Variants in TNFRSF11A observed in about 807,000 individuals in gnomAD.
TNFRSF11A encodes TNF receptor superfamily member 11a.
TNFRSF11A carries 32 observed loss-of-function variants against 55.7 expected under a neutral mutation model. The observed-to-expected ratio is 0.57, with a 90% CI of 0.43 to 0.77. The LOEUF is 0.77. TNFRSF11A is among the 30% of genes least tolerant of loss of function. The pLI is 0.00. For synonymous variants in TNFRSF11A, 311 were observed against 331.0 expected (o/e 0.94, Z 0.65); for missense variants, 753 against 809.8 (o/e 0.93, Z 0.85).
chr18:62,375,920 G>C (rs556090620), intron 9 of TNFRSF11A, among the ~76,000 whole-genome samples: 2 of 152,326 alleles, frequency 1.3e-5, no homozygotes, highest in East Asian at 3.9e-4. Flanking sequence ...GATCACCTGA[G>C]CCCAGAAGGT....
intron 1 of TNFRSF11A, among the ~76,000 whole-genome samples, chr18:62,345,265 A>G (rs1476629255): frequency 6.6e-6 from 1 of 152,062 alleles, no homozygotes; most frequent in African/African-American, 2.4e-5. Flanking sequence ...GGAAGAGGAA[A>G]AGGGGCAATA....
At chr18:62,376,219 T>G (rs971275735) in intron 9 of TNFRSF11A, among the ~76,000 whole-genome samples, 1 of 152,032 alleles carries the variant, frequency 6.6e-6, no homozygotes, top group African/African-American at 2.4e-5. Flanking sequence ...ATGTTACTAT[T>G]TTCACTATCA....
At chr18:62,348,757 G>A (rs758303240) in intron 2 of TNFRSF11A, among the ~76,000 whole-genome samples, 3 of 152,236 alleles carry the variant, frequency 2.0e-5, no homozygotes, top group Non-Finnish European at 2.9e-5. Context: ...CAGAAGTGTG[G>A]CTGACTATTT....
chr18:62,379,205 GTTAC>G (rs1334617515), intron 9 of TNFRSF11A, among the ~76,000 whole-genome samples: 1 of 152,170 alleles, frequency 6.6e-6, no homozygotes, highest in Non-Finnish European at 1.5e-5. Flanking sequence ...TGTTGCTTCT[GTTAC>G]TGTTATTATT....
intron 1 of TNFRSF11A, among the ~76,000 whole-genome samples, chr18:62,335,701 A>AT (rs919964600): frequency 2.6e-5 from 4 of 152,064 alleles, no homozygotes; most frequent in African/African-American, 9.7e-5. Flanking sequence ...GCTAATCTTG[A>AT]TTTTGCAACC....
chr18:62,364,025 A>T (rs1365118322), intron 7 of TNFRSF11A, among the ~76,000 whole-genome samples: 1 of 152,184 alleles, frequency 6.6e-6, no homozygotes, highest in African/African-American at 2.4e-5. Context: ...TGGAGGAAGC[A>T]TCTTAGTGGG....
chr18:62,384,617 A>C (rs1911550889), intron 9 of TNFRSF11A, 134 bp from the exon 10 acceptor site: 9 of 988,788 alleles, frequency 9.1e-6, no homozygotes, highest in Non-Finnish European at 1.4e-5. Flanking sequence ...GGAGGGTTAC[A>C]GTGTGGTTCC....
chr18:62,382,640 T>C (rs1431756371), intron 9 of TNFRSF11A, among the ~76,000 whole-genome samples: 2 of 151,982 alleles, frequency 1.3e-5, no homozygotes, highest in Admixed American at 1.3e-4. Flanking sequence ...CTGTGTGTTT[T>C]GTTTTGGTTT....
At chr18:62,347,568 C>T (rs1413729301) in intron 1 of TNFRSF11A, among the ~76,000 whole-genome samples, 1 of 152,192 alleles carries the variant, frequency 6.6e-6, no homozygotes, top group Non-Finnish European at 1.5e-5. Context: ...GAAGCCCCTA[C>T]AACACCTTGC....
At chr18:62,328,880 A>G (rs1412447082) in intron 1 of TNFRSF11A, among the ~76,000 whole-genome samples, 3 of 152,212 alleles carry the variant, frequency 2.0e-5, no homozygotes, top group Admixed American at 6.5e-5. Flanking sequence ...CCCTGTGTTG[A>G]TAAGGAAATA....
Position 62,325,551 on chromosome 18 carries a change from C to A in TNFRSF11A, c.75+124C>A, listed in dbSNP as rs1408673621. On this transcript the variant is annotated intron_variant, in intron 1 of 9. Transcript: ENST00000586569. The surrounding 1 kb of genome is among the most constrained non-coding windows in gnomAD (Gnocchi z 4.7). The stretch of plus-strand genomic sequence containing the variant: ...CGAGAGGAGCCGGAGTTTTGGGGAG[C>A]GGAGGCCGTGGGAAGCTGGGGAGGC... The A allele has an allele frequency of 4.7e-5, 24 of 510,042 alleles. No individual in the cohort carries two copies. Among genetic ancestry groups the A allele is most frequent in the Non-Finnish European group, 6.2e-5 (24 of 388,426 alleles). 31.6% of individuals were successfully genotyped at this position (510,042 alleles called of 1,614,324 possible). A position where few individuals can be genotyped will look rare whatever the true frequency, so the allele number is the denominator to read the frequency against.
intron 9 of TNFRSF11A, among the ~76,000 whole-genome samples, chr18:62,381,030 C>A (rs1226117846): frequency 6.6e-6 from 1 of 152,044 alleles, no homozygotes; most frequent in African/African-American, 2.4e-5. Flanking sequence ...GTCTCCAACT[C>A]CTGGGCTTAA....
chr18:62,376,185 C>T (rs1249161121), intron 9 of TNFRSF11A, among the ~76,000 whole-genome samples: 1 of 152,096 alleles, frequency 6.6e-6, no homozygotes, highest in Non-Finnish European at 1.5e-5. Context: ...GGTGAGACCC[C>T]TCTCTTCTGC....
intron 9 of TNFRSF11A, among the ~76,000 whole-genome samples, chr18:62,376,852 C>T (rs1910932621): frequency 6.6e-6 from 1 of 152,166 alleles, no homozygotes; most frequent in Non-Finnish European, 1.5e-5. Flanking sequence ...TTCAGATTGG[C>T]TTTGTTTACT....
chr18:62,325,505 C>T lies in TNFRSF11A; in HGVS notation c.75+78C>T. 1 of 987,338 alleles carries T rather than the reference C, an allele frequency of 1.0e-6. No individual in the cohort carries two copies. The allele number at this position is 987,338 out of a possible 1,614,324, so 61.2% of individuals were successfully genotyped here. ...CCCCGGGAAGGGCCGGGGCCGGCGG[C>T]ATCCTGGCTCCTCCGCCTTCCGAGA... is the stretch of plus-strand genomic sequence containing the variant. On this transcript the variant is annotated intron_variant, in intron 1 of 9. Coordinates refer to ENST00000586569, the MANE Select transcript of TNFRSF11A (RefSeq NM_003839.4). This position sits in a 1 kb window ranked among gnomAD's most constrained non-coding sequence, Gnocchi z 4.7.
rs566198830 is a variant in TNFRSF11A, at chr18:62,350,393, T to C, written c.283+456T>C. ...CTGCAAGCTCTGCCTCCCAGGTTCA[T>C]GCCATTCTCCTGCCTCAGCCTCCTG... On this transcript the variant is annotated intron_variant, in intron 3 of 9. Coordinates refer to ENST00000586569, the MANE Select transcript of TNFRSF11A (RefSeq NM_003839.4). Among the ~76,000 whole-genome samples the C allele has an allele frequency of 2.6e-5, 4 of 152,156 alleles. No individual in the cohort carries two copies. In the East Asian group the frequency reaches 5.8e-4, roughly 22 times the overall value.
At chr18:62,348,021 T>C in intron 1 of TNFRSF11A, 147 bp from the exon 2 acceptor site, 2 of 688,758 alleles carry the variant, frequency 2.9e-6, no homozygotes, top group Non-Finnish European at 5.1e-6. Context: ...ATCACGCCAT[T>C]GCACTCCAGC....
intron 5 of TNFRSF11A, 92 bp downstream of exon 5, chr18:62,358,433 G>T: frequency 1.6e-6 from 2 of 1,262,794 alleles, no homozygotes; most frequent in South Asian, 1.2e-5. Flanking sequence ...GACGGATTCT[G>T]TTGGGTTAGG....
intron 9 of TNFRSF11A, among the ~76,000 whole-genome samples, chr18:62,384,265 C>T (rs1421709230): frequency 6.0e-5 from 9 of 150,408 alleles, no homozygotes; most frequent in Non-Finnish European, 7.4e-5. Context: ...TTCCTCCTCT[C>T]CTCCTCCTCC....
Sources: allele counts gnomAD v4.1 joint callset (sites outside exome capture counted in the v4.1 genomes callset), GRCh38; gene constraint gnomAD v4.1.1; non-coding constraint Gnocchi (gnomAD v3.1); transcripts MANE v1.5; gene names NCBI Gene and HGNC (gene_info 2026-07-23, HGNC 2026-07-21).